Variants in CNTNAP3B observed in about 807,000 individuals in gnomAD.
The protein encoded by CNTNAP3B is contactin associated protein family member 3B.
A neutral mutation model predicts 108.9 loss-of-function variants in CNTNAP3B; 25 were observed. The ratio of observed to expected loss-of-function variants is 0.23; its 90% CI spans 0.17 to 0.32. The LOEUF is 0.32. Ranked by LOEUF, CNTNAP3B falls within the 10% of genes least tolerant of loss-of-function variation. CNTNAP3B has a pLI of 1.00. For synonymous variants in CNTNAP3B, 103 were observed against 473.4 expected (o/e 0.22, Z 10.16); for missense variants, 252 against 1,210.4 (o/e 0.21, Z 11.75).
intron 13 of CNTNAP3B, among the ~76,000 whole-genome samples, chr9:41,945,551 G>A (rs1411221530): frequency 6.6e-6 from 1 of 152,310 alleles, no homozygotes; most frequent in African/African-American, 2.4e-5. Context: ...TCACTCATAG[G>A]TGGGAATTGA....
At chr9:42,070,242 T>C (rs1827343113) in intron 3 of CNTNAP3B, among the ~76,000 whole-genome samples, 1 of 151,402 alleles carries the variant, frequency 6.6e-6, no homozygotes, top group South Asian at 2.1e-4. Flanking sequence ...TGCTAATGTT[T>C]AGTTTGCCTT....
intron 12 of CNTNAP3B, among the ~76,000 whole-genome samples, chr9:41,959,844 C>T (rs1159972415): frequency 1.3e-5 from 2 of 152,304 alleles, no homozygotes; most frequent in African/African-American, 2.4e-5. Flanking sequence ...AACCTTTTGT[C>T]AGCACAATAA....
At chr9:41,966,705 C>A (rs1184968849) in intron 10 of CNTNAP3B, among the ~76,000 whole-genome samples, 1 of 152,234 alleles carries the variant, frequency 6.6e-6, no homozygotes, top group East Asian at 1.9e-4. Context: ...TGGTGGCTCA[C>A]GCCTGTAATC....
At chr9:42,030,921 C>T (rs1300722397) in intron 3 of CNTNAP3B, among the ~76,000 whole-genome samples, 1 of 112,670 alleles carries the variant, frequency 8.9e-6, no homozygotes, top group African/African-American at 3.7e-5. Context: ...TCTTTCAAGG[C>T]CCAAGGATCT....
intron 14 of CNTNAP3B, among the ~76,000 whole-genome samples, chr9:41,930,789 C>T (rs62536547): frequency 8.6e-3 from 1,303 of 151,398 alleles, no homozygotes; most frequent in South Asian, 0.034. Context: ...CTGGTCTTAG[C>T]TATGCCACTA....
chr9:42,036,087 A>G (rs1255383555), intron 3 of CNTNAP3B, among the ~76,000 whole-genome samples: 1 of 149,816 alleles, frequency 6.7e-6, no homozygotes, highest in African/African-American at 2.5e-5. Context: ...CAGCCTGGGC[A>G]TCACAGGGAG....
chr9:41,994,598 CTT>C lies in CNTNAP3B; in HGVS notation c.1071+1605_1071+1606del. The stretch of plus-strand genomic sequence containing the variant: ...CAGCAGGGTGCTGTTCATAGTAAAA[CTT>C]AGACTTCAAACCCAACTTTTTTTTT... On this transcript the variant is annotated intron_variant, in intron 7 of 23. Coordinates refer to ENST00000377561, the MANE Select transcript of CNTNAP3B (RefSeq NM_001201380.3). 2 of 466,942 alleles carry C rather than the reference CTT, an allele frequency of 4.3e-6. 1 individual carries two copies. The highest frequency in any genetic ancestry group is 7.7e-6 in the Non-Finnish European group (2 of 259,668). 28.9% of individuals were successfully genotyped at this position (466,942 alleles called of 1,614,324 possible).
intron 2 of CNTNAP3B, among the ~76,000 whole-genome samples, chr9:42,098,526 T>G (rs1235580214): frequency 1.1e-5 from 1 of 87,552 alleles, no homozygotes; most frequent in Non-Finnish European, 2.2e-5. Context: ...GAGCTTGCAG[T>G]GAGCAGAGAT....
chr9:42,125,163 T>C (rs1303892107), intron 1 of CNTNAP3B, among the ~76,000 whole-genome samples: 4 of 136,618 alleles, frequency 2.9e-5, no homozygotes, highest in Admixed American at 7.3e-5. Flanking sequence ...AGTTCCAATA[T>C]TTAATCCCCA....
intron 15 of CNTNAP3B, among the ~76,000 whole-genome samples, chr9:41,927,395 AAAG>A (rs1370125709): frequency 2.0e-5 from 3 of 148,502 alleles, no homozygotes; most frequent in East Asian, 2.0e-4. Flanking sequence ...AGAAAGAAAA[AAAG>A]AAGACAGGAA....
At chr9:41,925,304 C>T (rs1334913566) in intron 15 of CNTNAP3B, among the ~76,000 whole-genome samples, 1 of 152,010 alleles carries the variant, frequency 6.6e-6, no homozygotes, top group African/African-American at 2.4e-5. Context: ...TTAGAAATAG[C>T]TTTTCTCGGC....
At position 41,995,636 on chromosome 9, in the gene CNTNAP3B, C is replaced by A. The variant is rs1332273329; in HGVS notation, c.1071+569G>T. Among the ~76,000 whole-genome samples the A allele has an allele frequency of 1.2e-3, 147 of 123,362 alleles. 15 individuals are homozygous for A. Among genetic ancestry groups the A allele is most frequent in the Non-Finnish European group, 1.7e-3 (101 of 60,184 alleles). The allele number at this position is 123,362 out of a possible 152,430, so 80.9% of individuals were successfully genotyped here. A position where few individuals can be genotyped will look rare whatever the true frequency, so the allele number is the denominator to read the frequency against. On this transcript the variant is annotated intron_variant, in intron 7 of 23. Coordinates refer to ENST00000377561, the MANE Select transcript of CNTNAP3B (RefSeq NM_001201380.3). ...GTCCCAGGTACTCGGGAGGCTGAGG[C>A]GGGAGAATGGCGTGAACCCAGGAGG... is the stretch of plus-strand genomic sequence containing the variant.
intron 18 of CNTNAP3B, among the ~76,000 whole-genome samples, chr9:41,913,682 C>A (rs62538163): frequency 7.4e-6 from 1 of 135,758 alleles, no homozygotes; most frequent in Non-Finnish European, 1.6e-5. Context: ...CCATTGCCCC[C>A]TCATCTCAGC....
At chr9:41,918,186 A>C (rs1426610028) in intron 18 of CNTNAP3B, among the ~76,000 whole-genome samples, 1 of 150,722 alleles carries the variant, frequency 6.6e-6, no homozygotes, top group Non-Finnish European at 1.5e-5. Flanking sequence ...TTTACTTTGT[A>C]GGAAGCATGA....
intron 3 of CNTNAP3B, among the ~76,000 whole-genome samples, chr9:42,029,443 T>C (rs1826472923): frequency 8.0e-6 from 1 of 124,478 alleles, no homozygotes; most frequent in South Asian, 2.7e-4. Context: ...AAACAAAATA[T>C]GGTTCACAGT....
At chr9:41,995,966 G>A (rs1229853720) in intron 7 of CNTNAP3B, among the ~76,000 whole-genome samples, 45 of 144,658 alleles carry the variant, frequency 3.1e-4, no homozygotes, top group East Asian at 8.3e-4. Context: ...AACCTGGGAG[G>A]CGTAAGCTGC....
Position 42,042,235 on chromosome 9 carries a change from A to T in CNTNAP3B, c.391-28710T>A, listed in dbSNP as rs541162730. 2.4e-4 allele frequency among the ~76,000 whole-genome samples: 22 copies of T among 89,932 alleles called. 7 individuals are homozygous for T. Among genetic ancestry groups the T allele is most frequent in the East Asian group, 6.8e-4 (1 of 1,478 alleles). The allele number at this position is 89,932 out of a possible 152,430, so 59.0% of individuals were successfully genotyped here. On this transcript the variant is annotated intron_variant, in intron 3 of 23. Transcript: ENST00000377561. ...TACCCTAGAACTTGAAGTATATATA[A>T]AAAAAAGATCTGCATAGTTTTGGAT...
intron 15 of CNTNAP3B, among the ~76,000 whole-genome samples, chr9:41,926,446 C>G (rs1296827729): frequency 1.3e-5 from 2 of 152,302 alleles, no homozygotes; most frequent in African/African-American, 4.8e-5. Flanking sequence ...ATTTTTCTTT[C>G]TTTCTTCATT....
chr9:42,058,328 C>G (rs1827117057), intron 3 of CNTNAP3B, among the ~76,000 whole-genome samples: 1 of 152,236 alleles, frequency 6.6e-6, no homozygotes, highest in Admixed American at 6.5e-5. Flanking sequence ...TACATTGCCA[C>G]CAACAGTATA....
Sources: gnomAD v4.1 joint callset for allele counts (sites outside exome capture counted in the v4.1 genomes callset) on GRCh38, gnomAD v4.1.1 for gene constraint, MANE v1.5 for transcripts, NCBI Gene and HGNC (gene_info 2026-07-23, HGNC 2026-07-21) for gene names.